Variants in EFCAB6 observed in about 807,000 individuals in gnomAD.
EFCAB6 encodes the protein EF-hand calcium binding domain 6, also known as EF-hand calcium-binding domain-containing protein 6.
In EFCAB6, 156 loss-of-function variants were observed where a neutral mutation model predicts 169.8. The observed-to-expected ratio is 0.92, with a 90% CI of 0.81 to 1.05. The LOEUF (loss-of-function observed/expected upper bound fraction) is 1.05, where lower values mean the gene tolerates loss of function less well. EFCAB6 is among the 50% of genes least tolerant of loss of function. The pLI is 0.00. For missense variants in EFCAB6, 1,800 were observed against 1,829.1 expected, an observed-to-expected ratio of 0.98 and a Z score of 0.29; for synonymous variants, 698 against 676.4, an observed-to-expected ratio of 1.03 and a Z score of -0.50.
intron 5 of EFCAB6, among the ~76,000 whole-genome samples, chr22:43,764,971 T>C (rs540230730): frequency 6.6e-6 from 1 of 152,344 alleles, no homozygotes; most frequent in Admixed American, 6.5e-5. Flanking sequence ...ATTTTAAATT[T>C]GGCATCTTAA....
intron 20 of EFCAB6, among the ~76,000 whole-genome samples, chr22:43,617,921 G>A (rs2053809721): frequency 6.6e-6 from 1 of 151,848 alleles, no homozygotes; most frequent in Admixed American, 6.6e-5. Context: ...GGCCAACATG[G>A]TGAAACCCCG....
chr22:43,673,966 CAAAA>C (rs35790164), intron 13 of EFCAB6, among the ~76,000 whole-genome samples: 1 of 69,444 alleles, frequency 1.4e-5, no homozygotes, highest in Non-Finnish European at 3.0e-5. Context: ...GACTCCGTCT[CAAAA>C]AAAAAAAAAA....
At chr22:43,709,065 C>G (rs183536074) in intron 10 of EFCAB6, among the ~76,000 whole-genome samples, 1 of 152,182 alleles carries the variant, frequency 6.6e-6, no homozygotes, top group East Asian at 1.9e-4. Context: ...GTCTTTCTAG[C>G]TTGGGACAAT....
intron 10 of EFCAB6, among the ~76,000 whole-genome samples, chr22:43,694,309 C>T (rs1156843169): frequency 6.6e-6 from 1 of 152,012 alleles, no homozygotes; most frequent in Non-Finnish European, 1.5e-5. Flanking sequence ...CTTTCTCAAA[C>T]TAATTTACGA....
rs62227041 is a variant in EFCAB6, at chr22:43,691,353, A to G, written c.1032-3772T>C. 3.9e-3 allele frequency among the ~76,000 whole-genome samples: 588 copies of G among 152,316 alleles called. 4 individuals are homozygous for G. Among genetic ancestry groups the G allele is most frequent in the Non-Finnish European group, 6.9e-3 (467 of 68,024 alleles). ...ATGGAAACTATAGCTGCTATGAAAA[A>G]TAAAATCAGCTTCTATATATTATGT... On this transcript the variant is annotated intron_variant, in intron 10 of 31. Transcript: ENST00000262726.
intron 21 of EFCAB6, among the ~76,000 whole-genome samples, chr22:43,614,872 C>T (rs1226979404): frequency 2.0e-5 from 3 of 151,138 alleles, no homozygotes; most frequent in African/African-American, 7.3e-5. Context: ...TTTATGGAGT[C>T]CACAGCACAG....
At chr22:43,577,176 A>G (rs1311278267) in intron 25 of EFCAB6, among the ~76,000 whole-genome samples, 1 of 152,192 alleles carries the variant, frequency 6.6e-6, no homozygotes, top group Admixed American at 6.5e-5. Flanking sequence ...TTAAACTGAA[A>G]AAGTGCAAAA....
intron 4 of EFCAB6, among the ~76,000 whole-genome samples, chr22:43,766,081 G>C (rs2061318161): frequency 6.6e-6 from 1 of 152,102 alleles, no homozygotes; most frequent in African/African-American, 2.4e-5. Flanking sequence ...TGTCACGCAG[G>C]CTGGAGGGCA....
chr22:43,666,016 G>T (rs1025897698), intron 17 of EFCAB6, among the ~76,000 whole-genome samples: 1 of 152,190 alleles, frequency 6.6e-6, no homozygotes, highest in Non-Finnish European at 1.5e-5. Context: ...TTGAACTCCT[G>T]ACCTCACGTG....
chr22:43,555,144 AC>A lies in EFCAB6; in HGVS notation c.3421-49del, dbSNP rs1247066818. 1.9e-6 allele frequency: 3 copies of A among 1,596,908 alleles called. No homozygotes were observed. In the Admixed American group the frequency reaches 5.1e-5, roughly 27 times the overall value. On this transcript the variant is annotated intron_variant, in intron 26 of 31. Transcript: ENST00000262726. ...TGATCCATGTGAGAAATAATCGACCACCTCTTGCTCTGGGCTCCTCACCCAG... is the reference window on the plus strand; with the variant it reads ...TGATCCATGTGAGAAATAATCGACCACTCTTGCTCTGGGCTCCTCACCCAG...
intron 26 of EFCAB6, among the ~76,000 whole-genome samples, chr22:43,569,179 A>T (rs970817878): frequency 1.3e-5 from 2 of 152,258 alleles, no homozygotes; most frequent in Non-Finnish European, 2.9e-5. Context: ...GGCCGGACCC[A>T]GGACACATGC....
intron 15 of EFCAB6, among the ~76,000 whole-genome samples, chr22:43,670,496 G>C (rs1023069528): frequency 6.6e-6 from 1 of 152,228 alleles, no homozygotes; most frequent in Non-Finnish European, 1.5e-5. Context: ...CACTGGGGCT[G>C]ACATGCTCTG....
At chr22:43,724,144 C>T (rs973732039) in intron 8 of EFCAB6, among the ~76,000 whole-genome samples, 2 of 152,160 alleles carry the variant, frequency 1.3e-5, no homozygotes, top group Admixed American at 6.5e-5. Flanking sequence ...CATGCAGCAC[C>T]TTGAACACTT....
chr22:43,662,432 A>C (rs902298399), intron 17 of EFCAB6, among the ~76,000 whole-genome samples: 11 of 152,140 alleles, frequency 7.2e-5, no homozygotes, highest in African/African-American at 2.4e-4. Flanking sequence ...TCCAATTTCC[A>C]GTATGAGGTT....
At chr22:43,766,953 G>GGGTTC (rs1193829519) in intron 4 of EFCAB6, among the ~76,000 whole-genome samples, 8 of 152,118 alleles carry the variant, frequency 5.3e-5, no homozygotes, top group Middle Eastern at 3.4e-3. Flanking sequence ...TCCACCTCCT[G>GGGTTC]GGTTCAAGCA....
At chr22:43,739,980 C>T (rs994018692) in intron 6 of EFCAB6, among the ~76,000 whole-genome samples, 1 of 152,068 alleles carries the variant, frequency 6.6e-6, no homozygotes, top group African/African-American at 2.4e-5. Flanking sequence ...GGCTCCTGGC[C>T]ACCCCCTGGC....
At chr22:43,704,553 A>G (rs2058884827) in intron 10 of EFCAB6, among the ~76,000 whole-genome samples, 1 of 152,216 alleles carries the variant, frequency 6.6e-6, no homozygotes, top group South Asian at 2.1e-4. Flanking sequence ...AGAACTATTA[A>G]TAACAACTAT....
intron 26 of EFCAB6, among the ~76,000 whole-genome samples, chr22:43,567,832 G>A (rs999641770): frequency 3.9e-5 from 6 of 152,134 alleles, no homozygotes; most frequent in Non-Finnish European, 4.4e-5. Flanking sequence ...TCTCCCTGCT[G>A]TACAGACAAA....
chr22:43,530,926 A>G lies in EFCAB6; in HGVS notation c.4272T>C (p.Ala1424=), dbSNP rs768223676. 3 of 1,614,122 alleles carry G rather than the reference A, an allele frequency of 1.9e-6. No individual in the cohort carries two copies. The highest frequency in any genetic ancestry group is 2.2e-5 in the South Asian group (2 of 91,088). The change falls in exon 31 of 32, where the codon GCT becomes GCC. Residue 1424 remains alanine (A), a synonymous_variant. Coordinates refer to ENST00000262726, the MANE Select transcript of EFCAB6 (RefSeq NM_022785.4). The part of the protein sequence containing the change: ...AGAETPSFYS[A]LLRIQPKIVH... ...CAATTTTGGGCTGAATACGCAGCAG[A>G]GCAGAGTAAAAAGATGGCGTCTCCG...
Sources: allele counts gnomAD v4.1 joint callset (sites outside exome capture counted in the v4.1 genomes callset), GRCh38; gene constraint gnomAD v4.1.1; transcripts MANE v1.5; gene names NCBI Gene and HGNC (gene_info 2026-07-23, HGNC 2026-07-21).